The following MYSM1 variants were observed in gnomAD, a reference collection of about 807,000 sequenced individuals.
MYSM1 encodes deubiquitinase MYSM1.
Under a neutral mutation model 116.0 loss-of-function variants are expected in MYSM1, and 51 were observed. The observed-to-expected ratio is 0.44, with a 90% confidence interval of 0.35 to 0.56. The LOEUF (loss-of-function observed/expected upper bound fraction) is 0.56, where lower values mean the gene tolerates loss of function less well. Among genes scored for constraint, MYSM1 ranks in the 20% least tolerant of loss-of-function variants. MYSM1 has a pLI of 0.00. For synonymous variants in MYSM1, 313 were observed against 315.2 expected (o/e 0.99, Z 0.07); for missense variants, 900 against 974.9 (o/e 0.92, Z 1.02).
chr1:58,678,705 CAAGAG>C (rs1000529246), intron 8 of MYSM1, among the ~76,000 whole-genome samples: 7 of 151,972 alleles, frequency 4.6e-5, no homozygotes, highest in African/African-American at 1.7e-4. Flanking sequence ...AAATACAGGG[CAAGAG>C]AATGAAAGGG....
intron 1 of MYSM1, among the ~76,000 whole-genome samples, chr1:58,698,651 C>A (rs1327716401): frequency 6.6e-6 from 1 of 152,190 alleles, no homozygotes; most frequent in East Asian, 1.9e-4. Context: ...CAGCTCATTT[C>A]TTTCTAGACT....
intron 16 of MYSM1, 99 bp from the exon 17 acceptor site, chr1:58,665,730 G>A (rs1324759527): frequency 1.2e-6 from 1 of 814,240 alleles, no homozygotes; most frequent in Non-Finnish European, 1.9e-6. Flanking sequence ...GGGAAAAGCA[G>A]GAACAAAAAG....
intron 17 of MYSM1, among the ~76,000 whole-genome samples, chr1:58,662,459 C>G (rs1487859674): frequency 5.8e-5 from 3 of 52,144 alleles, no homozygotes; most frequent in Non-Finnish European, 9.4e-5. Context: ...TATTCACCCC[C>G]CCCTTTTTTT....
At chr1:58,677,125 C>T (rs1644666136) in intron 8 of MYSM1, 69 bp from the exon 9 acceptor site, 1 of 1,380,838 alleles carries the variant, frequency 7.2e-7, no homozygotes, top group African/African-American at 1.5e-5. Context: ...CTGGGGAAAA[C>T]TTTCAATATT....
chr1:58,690,484 A>G, intron 3 of MYSM1, 67 bp from the exon 4 acceptor site: 1 of 1,048,390 alleles, frequency 9.5e-7, no homozygotes, highest in South Asian at 1.5e-5. Flanking sequence ...TTACTTATAC[A>G]AAACGTGTGC....
At chr1:58,675,828 T>C (rs1398999190) in intron 9 of MYSM1, among the ~76,000 whole-genome samples, 2 of 152,208 alleles carry the variant, frequency 1.3e-5, no homozygotes, top group African/African-American at 4.8e-5. Context: ...GAAAACATGA[T>C]TTAATTTTTC....
At chr1:58,679,138 G>A (rs1286156416) in intron 8 of MYSM1, among the ~76,000 whole-genome samples, 1 of 151,902 alleles carries the variant, frequency 6.6e-6, no homozygotes, top group Non-Finnish European at 1.5e-5. Context: ...AAACAAATCT[G>A]GCAGGCTTCT....
rs1644887915 is a variant in MYSM1 at position 58,690,394 on chromosome 1, T to C, written c.242A>G (p.Gln81Arg). Residue 81 changes from glutamine (Q) to arginine (R), a missense_variant, in exon 4 of 20, where the codon CAA becomes CGA. Gln to Arg is a conservative substitution (Grantham distance 43, BLOSUM62 1). This residue lies in a region of MYSM1 where 622 missense variants were observed against 623.7 expected (regional missense o/e 1.00). Coordinates refer to ENST00000472487, the MANE Select transcript of MYSM1 (RefSeq NM_001085487.3). ...TTGATCAAGCCAGACTTTTTCCGGT[T>C]GTGATTTTTTAGATAAATAATATCT... ...EEEYYLSKKS[Q>R]PEKVWLDQKE... The C allele has an allele frequency of 6.2e-7, 1 of 1,601,266 alleles. No homozygotes were observed. Among genetic ancestry groups the C allele is most frequent in the Middle Eastern group, 1.7e-4 (1 of 6,002 alleles).
chr1:58,665,925 C>T (rs561708186), intron 16 of MYSM1, among the ~76,000 whole-genome samples: 1 of 152,144 alleles, frequency 6.6e-6, no homozygotes, highest in South Asian at 2.1e-4. Flanking sequence ...GGTGTAGTGG[C>T]ACGTGCCTGT....
rs780176891 is a variant in MYSM1 at position 58,682,535 on chromosome 1, C to T, written c.509G>A (p.Gly170Asp). The change falls in exon 8 of 20, where the codon GGT becomes GAT. Residue 170 changes from glycine (G) to aspartate (D), a missense_variant. Coordinates refer to ENST00000472487, the MANE Select transcript of MYSM1 (RefSeq NM_001085487.3). ...CTGATTTGGTGTTTCTTTATCCAGA[C>T]CGCATTTGACCTTATTAAAAATCAA... is the stretch of plus-strand genomic sequence containing the variant. ...RQYFKNKVKCGLDKETPNQKT... is the reference protein window; with the variant it reads ...RQYFKNKVKCDLDKETPNQKT... 2 of 1,567,112 alleles carry T rather than the reference C, an allele frequency of 1.3e-6. No individual in the cohort carries two copies. The highest frequency in any genetic ancestry group is 2.2e-5 in the East Asian group (1 of 44,454).
chr1:58,673,080 G>A (rs1014077551), intron 11 of MYSM1, among the ~76,000 whole-genome samples: 8 of 152,070 alleles, frequency 5.3e-5, no homozygotes, highest in African/African-American at 9.7e-5. Context: ...TTCACAATTC[G>A]TAAGTTAAAA....
intron 8 of MYSM1, among the ~76,000 whole-genome samples, chr1:58,680,848 G>A (rs978471755): frequency 1.4e-5 from 2 of 147,764 alleles, no homozygotes; most frequent in African/African-American, 5.0e-5. Flanking sequence ...TTGAGATGAA[G>A]TCTCGCTCTG....
At position 58,700,014 on chromosome 1, in the gene MYSM1, G is replaced by T. The variant is rs1211270908; in HGVS notation, c.39C>A (p.Asp13Glu). The T allele has an allele frequency of 6.2e-7, 1 of 1,613,488 alleles. No homozygotes were observed. Among genetic ancestry groups the T allele is most frequent in the East Asian group, 2.2e-5 (1 of 44,880 alleles). Residue 13 changes from aspartate (D) to glutamate (E), a missense_variant, in exon 1 of 20, where the codon GAC becomes GAA. Asp to Glu is a conservative substitution (Grantham distance 45). Around this residue, in one of 3 missense-constraint regions of MYSM1, gnomAD observed 622 missense variants for 623.7 expected, o/e 1.00. Transcript: ENST00000472487. ...AEEADVDIEG[D>E]VVAAAGAQPG... ...GCTGTGCCCCCGCCGCCGCTACCAC[G>T]TCCCCTTCGATATCCACATCCGCCT...
intron 19 of MYSM1, among the ~76,000 whole-genome samples, 163 bp from the exon 20 acceptor site, chr1:58,660,318 G>C (rs1569688648): frequency 6.6e-6 from 1 of 152,138 alleles, no homozygotes; most frequent in African/African-American, 2.4e-5. Flanking sequence ...AATAGTCACA[G>C]AGCTGGAATG....
chr1:58,695,377 G>A (rs1417921296), intron 1 of MYSM1, among the ~76,000 whole-genome samples, 170 bp from the exon 2 acceptor site: 1 of 152,098 alleles, frequency 6.6e-6, no homozygotes, highest in Non-Finnish European at 1.5e-5. Flanking sequence ...CTACCTCTTT[G>A]GCCTGTGAAA....
chr1:58,691,821 C>T (rs1211163328), intron 3 of MYSM1, among the ~76,000 whole-genome samples: 2 of 151,640 alleles, frequency 1.3e-5, no homozygotes, highest in African/African-American at 4.8e-5. Flanking sequence ...GAGCCAAGAT[C>T]GCACCATTGC....
intron 12 of MYSM1, among the ~76,000 whole-genome samples, chr1:58,669,848 A>AC (rs1644530804): frequency 6.8e-6 from 1 of 148,144 alleles, no homozygotes; most frequent in Non-Finnish European, 1.5e-5. Context: ...AAAAAAAAAA[A>AC]AAAAAAAAAA....
At chr1:58,685,918 T>C (rs1449270237) in intron 6 of MYSM1, among the ~76,000 whole-genome samples, 2 of 152,208 alleles carry the variant, frequency 1.3e-5, no homozygotes, top group African/African-American at 2.4e-5. Flanking sequence ...CTCCTGTTAA[T>C]GTCGTTGTCA....
At chr1:58,678,962 TCTATA>T (rs1557516137) in intron 8 of MYSM1, among the ~76,000 whole-genome samples, 6 of 152,198 alleles carry the variant, frequency 3.9e-5, no homozygotes, top group African/African-American at 1.4e-4. Flanking sequence ...ATTTTTCTTA[TCTATA>T]AAGTGAGAAC....
Sources: allele counts gnomAD v4.1 joint callset (sites outside exome capture counted in the v4.1 genomes callset), GRCh38; gene constraint gnomAD v4.1.1; regional missense constraint gnomAD v4.1.1; transcripts MANE v1.5; gene names NCBI Gene and HGNC (gene_info 2026-07-23, HGNC 2026-07-21).